The following ADAM9 variants were observed in gnomAD, a reference collection of about 807,000 sequenced individuals.
The protein encoded by ADAM9 is disintegrin and metalloproteinase domain-containing protein 9.
ADAM9 carries 54 observed loss-of-function variants against 108.1 expected under a neutral mutation model. That is an observed-to-expected ratio of 0.50 (90% CI 0.40 to 0.63). The LOEUF is 0.63. Ranked by LOEUF, ADAM9 falls within the 20% of genes least tolerant of loss-of-function variation. The pLI, the probability that ADAM9 is intolerant of heterozygous loss-of-function variation, is 0.00. For missense variants in ADAM9, 830 were observed against 997.7 expected, an observed-to-expected ratio of 0.83 and a Z score of 2.26; for synonymous variants, 316 against 336.0, an observed-to-expected ratio of 0.94 and a Z score of 0.65.
chr8:39,091,264 A>T lies in ADAM9; in HGVS notation c.2216A>T (p.Asp739Val). The change falls in exon 20 of 22, where the codon GAT becomes GTT. Residue 739 changes from aspartate to valine, a missense_variant. Transcript: ENST00000487273. ...RKKRSQTYES[D>V]GKNQANPSRQ... is the part of the protein sequence containing the mutation. ...AAAGTAATTGTATCTTTCAGGTCAGATGGCAAAAATCAAGCAAACCCTTCT... is the reference window on the plus strand; with the variant it reads ...AAAGTAATTGTATCTTTCAGGTCAGTTGGCAAAAATCAAGCAAACCCTTCT... The T allele has an allele frequency of 6.2e-7, 1 of 1,613,982 alleles. No homozygotes were observed. The highest frequency in any genetic ancestry group is 1.3e-5 in the African/African-American group (1 of 75,058).
rs555608243 is a variant in ADAM9, at chr8:39,004,257, A to G, written c.98-3629A>G. ...TTGGCAGGGTCTCCCTCTGTTGCTCAGGCTGGAGTGCAGTTGCATAATCAT... is the reference window on the plus strand; with the variant it reads ...TTGGCAGGGTCTCCCTCTGTTGCTCGGGCTGGAGTGCAGTTGCATAATCAT... On this transcript the variant is annotated intron_variant, in intron 1 of 21. Transcript: ENST00000487273. Among the ~76,000 whole-genome samples, 5 of 151,290 alleles carry G rather than the reference A, an allele frequency of 3.3e-5. No homozygotes were observed. In the South Asian group the frequency reaches 1.0e-3, roughly 32 times the overall value.
chr8:39,077,383 A>G lies in ADAM9; in HGVS notation c.1853A>G (p.Asn618Ser), dbSNP rs1246110973. The change falls in exon 16 of 22, where the codon AAC becomes AGC. Residue 618 changes from asparagine (N) to serine (S), a missense_variant. Coordinates refer to ENST00000487273, the MANE Select transcript of ADAM9 (RefSeq NM_003816.3). ...GATGTTCCAGATCCTGGGATGGTTA[A>G]CGAAGGCACAAAATGTGGTGCTGGA... ...GSDVPDPGMV[N>S]EGTKCGAGKI... 4 of 1,613,422 alleles carry G rather than the reference A, an allele frequency of 2.5e-6. No individual in the cohort carries two copies. The highest frequency in any genetic ancestry group is 2.2e-5 in the East Asian group (1 of 44,874).
intron 11 of ADAM9, among the ~76,000 whole-genome samples, chr8:39,040,536 T>G (rs893517707): frequency 1.3e-5 from 2 of 152,254 alleles, no homozygotes; most frequent in African/African-American, 4.8e-5. Context: ...GAGTTATTTG[T>G]TTTTCTACTA....
Position 39,077,261 on chromosome 8 carries a change from T to G in ADAM9, c.1731T>G (p.Asn577Lys), listed in dbSNP as rs935841407. Residue 577 changes from asparagine to lysine, a missense_variant, in exon 16 of 22, where the codon AAT becomes AAG. Transcript: ENST00000487273. ...TGTGTGGAAAGCTTCAGTGTGAGAA[T>G]GTACAAGAGATACCTGTATTTGGAA... ...NALCGKLQCENVQEIPVFGIV... is the reference protein window; with the variant it reads ...NALCGKLQCEKVQEIPVFGIV... The G allele has an allele frequency of 9.3e-6, 15 of 1,614,148 alleles. No homozygotes were observed. Among genetic ancestry groups the G allele is most frequent in the Non-Finnish European group, 1.2e-5 (14 of 1,179,984 alleles).
At chr8:39,042,569 TA>T (rs111980663) in intron 12 of ADAM9, among the ~76,000 whole-genome samples, 342 of 144,962 alleles carry the variant, frequency 2.4e-3, no homozygotes, top group African/African-American at 6.0e-3. Context: ...AGTAGCACTC[TA>T]AAAAAAAAAA....
intron 12 of ADAM9, among the ~76,000 whole-genome samples, chr8:39,045,371 TACATACACCTATAGGTGTGTGTAC>T (rs1564300979): frequency 6.8e-4 from 50 of 73,816 alleles, no homozygotes; most frequent in Non-Finnish European, 5.5e-4. Flanking sequence ...TAGGTGTGTG[TACATACACCTATAGGTGTGTGTAC>T]ACACACCTAT....
At chr8:39,044,947 T>G (rs1490410145) in intron 12 of ADAM9, among the ~76,000 whole-genome samples, 1 of 150,628 alleles carries the variant, frequency 6.6e-6, no homozygotes, top group Non-Finnish European at 1.5e-5. Context: ...CATACCTATG[T>G]ATGTGTATAT....
intron 2 of ADAM9, among the ~76,000 whole-genome samples, chr8:39,010,919 C>G (rs2079923741): frequency 6.6e-6 from 1 of 151,804 alleles, no homozygotes; most frequent in Non-Finnish European, 1.5e-5. Context: ...GTGGTGAAAC[C>G]CCGTCTCTAC....
At chr8:39,044,918 GTATA>G (rs771541652) in intron 12 of ADAM9, among the ~76,000 whole-genome samples, 1 of 149,666 alleles carries the variant, frequency 6.7e-6, no homozygotes, top group East Asian at 2.0e-4. Context: ...ACATATGTAT[GTATA>G]TATGTGTGTG....
At chr8:39,019,180 A>G (rs534074764) in intron 7 of ADAM9, among the ~76,000 whole-genome samples, 2 of 151,886 alleles carry the variant, frequency 1.3e-5, no homozygotes, top group African/African-American at 2.4e-5. Flanking sequence ...CTTATGCTGA[A>G]TTTTTTGAGT....
chr8:38,997,110 G>A lies in ADAM9; in HGVS notation c.47G>A (p.Trp16Ter). The change falls in exon 1 of 22, where the codon TGG (tryptophan) becomes TAG (stop). Residue 16 changes from tryptophan (W) to a stop codon, truncating the protein, a stop_gained. Coordinates refer to ENST00000487273, the MANE Select transcript of ADAM9 (RefSeq NM_003816.3). LOFTEE classifies it high-confidence loss of function. The part of the protein sequence containing the change: ...RFPSGTLRVR[W>*]LLLLGLVGPV... ...CCCTCGGGGACCCTTCGTGTCCGGT[G>A]GTTGCTGTTGCTTGGCCTGGTGGGC... is the stretch of plus-strand genomic sequence containing the variant. The A allele has an allele frequency of 6.2e-7, 1 of 1,605,802 alleles. No individual in the cohort carries two copies.
At chr8:39,024,988 G>A (rs994930208) in intron 9 of ADAM9, among the ~76,000 whole-genome samples, 1 of 152,194 alleles carries the variant, frequency 6.6e-6, no homozygotes, top group African/African-American at 2.4e-5. Context: ...ATGAGTCTGG[G>A]TTATATTAAT....
chr8:39,054,291 T>C (rs9643904), intron 12 of ADAM9, among the ~76,000 whole-genome samples, 190 bp from the exon 13 acceptor site: 35,988 of 152,038 alleles, frequency 0.24, 4,565 homozygotes, highest in South Asian at 0.31. Flanking sequence ...TCCTTTGAAA[T>C]ATGTTGAGAC....
intron 1 of ADAM9, among the ~76,000 whole-genome samples, chr8:39,001,899 A>AC (rs1329840105): frequency 6.6e-6 from 1 of 152,010 alleles, no homozygotes; most frequent in African/African-American, 2.4e-5. Context: ...TGAACTCCTG[A>AC]CCTTGTGATC....
chr8:39,010,153 G>T (rs1187656993), intron 2 of ADAM9, among the ~76,000 whole-genome samples: 2 of 151,798 alleles, frequency 1.3e-5, no homozygotes, highest in South Asian at 4.2e-4. Flanking sequence ...TAGAAGGAGG[G>T]GGGTGAACAA....
intron 12 of ADAM9, among the ~76,000 whole-genome samples, chr8:39,051,542 T>C (rs1477688215): frequency 2.0e-5 from 3 of 152,236 alleles, no homozygotes; most frequent in Non-Finnish European, 4.4e-5. Flanking sequence ...TAGAGAAATA[T>C]TTGTGTATAT....
At chr8:39,043,227 T>A (rs4733970) in intron 12 of ADAM9, among the ~76,000 whole-genome samples, 2 of 152,082 alleles carry the variant, frequency 1.3e-5, no homozygotes, top group African/African-American at 4.8e-5. Context: ...TGAATAATGC[T>A]GCAGTGAACA....
chr8:39,103,401 ATAT>A (rs1839761339), intron 21 of ADAM9, among the ~76,000 whole-genome samples: 1 of 152,042 alleles, frequency 6.6e-6, no homozygotes, highest in African/African-American at 2.4e-5. Flanking sequence ...TTATGGAGTA[ATAT>A]TATTTAAAGT....
chr8:39,025,764 T>TC, intron 9 of ADAM9, 39 bp from the exon 10 acceptor site: 4 of 1,584,288 alleles, frequency 2.5e-6, no homozygotes, highest in South Asian at 1.1e-5. Flanking sequence ...GTTCCTTTTT[T>TC]CCCCAAGAAC....
Sources: allele counts gnomAD v4.1 joint callset (sites outside exome capture counted in the v4.1 genomes callset), GRCh38; gene constraint gnomAD v4.1.1; transcripts MANE v1.5; gene names NCBI Gene and HGNC (gene_info 2026-07-23, HGNC 2026-07-21).